NPAS3: variants seen among roughly 807,000 people sequenced by gnomAD.
The protein encoded by NPAS3 is neuronal PAS domain-containing protein 3.
A neutral mutation model predicts 73.1 loss-of-function variants in NPAS3; 14 were observed. That is an observed-to-expected ratio of 0.19 (90% confidence interval 0.13 to 0.30). The LOEUF is 0.30. Among genes scored for constraint, NPAS3 ranks in the 10% least tolerant of loss-of-function variants. The pLI is 1.00. For missense variants in NPAS3, 1,096 were observed against 1,250.0 expected, an observed-to-expected ratio of 0.88 and a Z score of 1.86; for synonymous variants, 620 against 541.5, an observed-to-expected ratio of 1.14 and a Z score of -2.01.
intron 4 of NPAS3, among the ~76,000 whole-genome samples, chr14:33,469,785 A>G (rs901114529): frequency 3.3e-5 from 5 of 152,214 alleles, no homozygotes; most frequent in African/African-American, 1.2e-4. Context: ...ATGGAAATGC[A>G]CGTGTGAAAG....
In NPAS3 at chr14:33,413,443, C is replaced by T. The variant is rs548332842; in HGVS notation, c.468+46175C>T. ...CTCTGGGAGTATTTAGGAACTGCAGCATCCTCAGATCTATCTTTTGGAGAT... is the reference window on the plus strand; with the variant it reads ...CTCTGGGAGTATTTAGGAACTGCAGTATCCTCAGATCTATCTTTTGGAGAT... On this transcript the variant is annotated intron_variant, in intron 4 of 11. Coordinates refer to ENST00000356141, the Ensembl canonical transcript of NPAS3. Among the ~76,000 whole-genome samples the T allele has an allele frequency of 2.0e-3, 307 of 152,212 alleles. 3 individuals carry two copies. Among genetic ancestry groups the T allele is most frequent in the African/African-American group, 6.9e-3 (285 of 41,538 alleles).
At chr14:33,730,652 G>A (rs1361376238) in intron 6 of NPAS3, among the ~76,000 whole-genome samples, 1 of 152,140 alleles carries the variant, frequency 6.6e-6, no homozygotes, top group African/African-American at 2.4e-5. Flanking sequence ...CCGTGTGGCT[G>A]AGGAAGTGCA....
rs907971725 is a variant in NPAS3 at position 33,538,200 on chromosome 14, C to T, written c.469-21921C>T. 1.9e-4 allele frequency among the ~76,000 whole-genome samples: 29 copies of T among 151,990 alleles called. 2 individuals are homozygous for T. The highest frequency in any genetic ancestry group is 2.4e-5 in the African/African-American group (1 of 41,358). On this transcript the variant is annotated intron_variant, in intron 4 of 11. Coordinates refer to ENST00000356141, the Ensembl canonical transcript of NPAS3. Reference sequence around the variant, plus strand: ...TCCCATTCAGCCCCACTTTAAGGACCCTAGATAGTAGACCCATACAAGGCT... The same window carrying T: ...TCCCATTCAGCCCCACTTTAAGGACTCTAGATAGTAGACCCATACAAGGCT...
intron 2 of NPAS3, among the ~76,000 whole-genome samples, chr14:33,090,209 G>A (rs941255474): frequency 1.3e-5 from 2 of 152,144 alleles, no homozygotes; most frequent in Non-Finnish European, 2.9e-5. Flanking sequence ...CTGGCAAATT[G>A]GATTAAAAGT....
intron 3 of NPAS3, among the ~76,000 whole-genome samples, chr14:33,259,195 C>G (rs1311250514): frequency 1.3e-5 from 2 of 152,286 alleles, no homozygotes; most frequent in Non-Finnish European, 2.9e-5. Context: ...GAGAATGTTG[C>G]CTTTTATCCC....
rs191393825 is a variant in NPAS3, at chr14:33,464,539, G to A, written c.469-95582G>A. On this transcript the variant is annotated intron_variant, in intron 4 of 11. Transcript: ENST00000356141. ...TCTCTATGAAGTTTTTTGAGAGATC[G>A]ACCCCTCCTAATTTTTCCAAATGCG... Among the ~76,000 whole-genome samples, 179 of 152,200 alleles carry A rather than the reference G, an allele frequency of 1.2e-3. 1 individual carries two copies. The highest frequency in any genetic ancestry group is 3.6e-3 in the African/African-American group (149 of 41,510).
intron 3 of NPAS3, among the ~76,000 whole-genome samples, chr14:33,301,352 G>T (rs1295499123): frequency 4.6e-5 from 5 of 108,744 alleles, no homozygotes; most frequent in Admixed American, 9.8e-5. Flanking sequence ...GCTGTAATGG[G>T]TTATTTCATA....
At chr14:33,674,400 T>A (rs2059697534) in intron 5 of NPAS3, among the ~76,000 whole-genome samples, 1 of 152,256 alleles carries the variant, frequency 6.6e-6, no homozygotes, top group African/African-American at 2.4e-5. Context: ...CTTCCTCATA[T>A]TCACTAATCT....
At chr14:33,351,458 C>A (rs2045048101) in intron 3 of NPAS3, among the ~76,000 whole-genome samples, 1 of 152,242 alleles carries the variant, frequency 6.6e-6, no homozygotes, top group Non-Finnish European at 1.5e-5. Flanking sequence ...GTATATATGT[C>A]TCTGCATTAG....
At chr14:33,371,838 TATC>T (rs1193054572) in intron 4 of NPAS3, among the ~76,000 whole-genome samples, 5 of 152,194 alleles carry the variant, frequency 3.3e-5, no homozygotes, top group African/African-American at 9.7e-5. Context: ...TCTCTTCTTA[TATC>T]ATCATCGAGT....
chr14:33,776,344 T>C (rs2062814262), intron 8 of NPAS3, among the ~76,000 whole-genome samples: 1 of 151,900 alleles, frequency 6.6e-6, no homozygotes, highest in South Asian at 2.1e-4. Context: ...GAACAGGGCC[T>C]CGTCTTATTT....
chr14:33,369,985 C>A (rs1345420266), intron 4 of NPAS3, among the ~76,000 whole-genome samples: 2 of 152,158 alleles, frequency 1.3e-5, no homozygotes, highest in Non-Finnish European at 2.9e-5. Flanking sequence ...TCTGTCTTCC[C>A]TTTCCTCCTT....
At chr14:33,447,033 A>T (rs1358426375) in intron 4 of NPAS3, among the ~76,000 whole-genome samples, 2 of 152,258 alleles carry the variant, frequency 1.3e-5, no homozygotes, top group Admixed American at 6.5e-5. Context: ...GGATATACTT[A>T]TGAGCTAAGC....
At chr14:33,313,184 C>G (rs1210976810) in intron 3 of NPAS3, among the ~76,000 whole-genome samples, 2 of 152,028 alleles carry the variant, frequency 1.3e-5, no homozygotes, top group African/African-American at 4.8e-5. Flanking sequence ...ATTAGTATCT[C>G]TATGGGTTTT....
At chr14:33,161,527 A>G (rs2044883533) in intron 2 of NPAS3, among the ~76,000 whole-genome samples, 2 of 152,240 alleles carry the variant, frequency 1.3e-5, no homozygotes, top group South Asian at 2.1e-4. Flanking sequence ...AAGAATGAGG[A>G]TACTAATACA....
At chr14:32,981,757 G>A (rs942125487) in intron 1 of NPAS3, among the ~76,000 whole-genome samples, 1 of 152,144 alleles carries the variant, frequency 6.6e-6, no homozygotes, top group African/African-American at 2.4e-5. Context: ...TGTGGAGCGG[G>A]GGGTGAGAGG....
intron 3 of NPAS3, among the ~76,000 whole-genome samples, chr14:33,310,903 C>T (rs151069085): frequency 6.6e-6 from 1 of 151,708 alleles, no homozygotes; most frequent in East Asian, 1.9e-4. Context: ...TGGGTCTTTG[C>T]TTGTGACCTT....
At chr14:33,643,773 TC>T (rs1472052572) in intron 5 of NPAS3, among the ~76,000 whole-genome samples, 1 of 152,216 alleles carries the variant, frequency 6.6e-6, no homozygotes, top group African/African-American at 2.4e-5. Flanking sequence ...TTTTTGTCCT[TC>T]CAAGTTAATT....
chr14:33,344,247 G>C (rs1448688053), intron 3 of NPAS3, among the ~76,000 whole-genome samples: 1 of 152,180 alleles, frequency 6.6e-6, no homozygotes, highest in East Asian at 1.9e-4. Flanking sequence ...GGGATTGAAA[G>C]ATGTTGAATT....
Sources: allele counts gnomAD v4.1 joint callset (sites outside exome capture counted in the v4.1 genomes callset), GRCh38; gene constraint gnomAD v4.1.1; transcripts MANE v1.5; gene names NCBI Gene and HGNC (gene_info 2026-07-23, HGNC 2026-07-21).